Variants in DCLK1 observed in about 807,000 individuals in gnomAD.
DCLK1 encodes the protein doublecortin like kinase 1.
DCLK1 carries 16 observed loss-of-function variants against 86.2 expected under a neutral mutation model. That is an observed-to-expected ratio of 0.19 (90% CI 0.13 to 0.28). The LOEUF (loss-of-function observed/expected upper bound fraction) is 0.28. Ranked by LOEUF, DCLK1 falls within the 10% of genes least tolerant of loss-of-function variation. The pLI is 1.00. For synonymous variants in DCLK1, 369 were observed against 370.5 expected (o/e 1.00, Z 0.05); for missense variants, 590 against 940.2 (o/e 0.63, Z 4.87).
chr13:36,003,890 T>C (rs1331223026), intron 3 of DCLK1, among the ~76,000 whole-genome samples: 1 of 152,224 alleles, frequency 6.6e-6, no homozygotes, highest in Non-Finnish European at 1.5e-5. Flanking sequence ...AATGAGCACA[T>C]ATTGCTTTTG....
intron 4 of DCLK1, among the ~76,000 whole-genome samples, chr13:35,901,128 T>A (rs957052467): frequency 6.6e-6 from 1 of 152,176 alleles, no homozygotes; most frequent in Non-Finnish European, 1.5e-5. Context: ...ATGCTTCAGT[T>A]CTATATTATG....
At chr13:35,984,561 T>C (rs1205727587) in intron 3 of DCLK1, among the ~76,000 whole-genome samples, 1 of 152,248 alleles carries the variant, frequency 6.6e-6, no homozygotes, top group Non-Finnish European at 1.5e-5. Flanking sequence ...CCAAACTGCC[T>C]GAACCGTCTG....
chr13:36,098,122 C>T (rs1235877162), intron 3 of DCLK1, among the ~76,000 whole-genome samples: 6 of 152,168 alleles, frequency 3.9e-5, no homozygotes, highest in African/African-American at 1.4e-4. Flanking sequence ...TGCTATTCTA[C>T]ATTTATTGAT....
chr13:35,794,703 G>T (rs549016896), intron 15 of DCLK1, among the ~76,000 whole-genome samples: 1 of 152,322 alleles, frequency 6.6e-6, no homozygotes, highest in African/African-American at 2.4e-5. Flanking sequence ...TTCGTAACTT[G>T]GGTCTAACGG....
intron 3 of DCLK1, among the ~76,000 whole-genome samples, chr13:36,074,563 C>G (rs1016197640): frequency 1.5e-5 from 2 of 129,344 alleles, no homozygotes; most frequent in South Asian, 4.9e-4. Context: ...ATTGCAGAAA[C>G]AGATTATCCG....
chr13:35,959,135 T>C (rs976561123), intron 3 of DCLK1, among the ~76,000 whole-genome samples: 7 of 152,328 alleles, frequency 4.6e-5, no homozygotes, highest in African/African-American at 1.7e-4. Context: ...TATATGGTGA[T>C]GAAAACACCT....
At chr13:35,781,353 T>TGTC (rs1438183072) in intron 16 of DCLK1, among the ~76,000 whole-genome samples, 2 of 152,222 alleles carry the variant, frequency 1.3e-5, no homozygotes, top group Non-Finnish European at 2.9e-5. Context: ...GTCCATAGAC[T>TGTC]GAAAGGGGGT....
At chr13:35,981,447 GA>G (rs1212327949) in intron 3 of DCLK1, among the ~76,000 whole-genome samples, 1 of 152,070 alleles carries the variant, frequency 6.6e-6, no homozygotes, top group African/African-American at 2.4e-5. Context: ...TCCAGCACCA[GA>G]GGGGACATTT....
At chr13:35,834,731 C>T (rs1593642562) in intron 8 of DCLK1, among the ~76,000 whole-genome samples, 2 of 152,134 alleles carry the variant, frequency 1.3e-5, no homozygotes, top group Non-Finnish European at 2.9e-5. Flanking sequence ...GAGAGGAGAA[C>T]GGTGGCCTGG....
chr13:35,976,924 A>C (rs1000106642), intron 3 of DCLK1, among the ~76,000 whole-genome samples: 24 of 152,194 alleles, frequency 1.6e-4, no homozygotes, highest in Non-Finnish European at 3.1e-4. Flanking sequence ...CGGCATTAAC[A>C]ATCATCAGCA....
rs761166313 is a variant in DCLK1, at chr13:35,774,605, A to G, written c.2153T>C (p.Leu718Pro). 2.5e-6 allele frequency: 4 copies of G among 1,594,082 alleles called. No homozygotes were observed. The South Asian group carries it at 4.5e-5, about 18-fold the overall frequency. ...GGAGTAGTCTTCCGATTCCGAGTTGAGTTCGGGAGGAGCTGGCTGCGCCTT... is the reference window on the plus strand; with the variant it reads ...GGAGTAGTCTTCCGATTCCGAGTTGGGTTCGGGAGGAGCTGGCTGCGCCTT... ...RYKAQPAPPE[L>P]NSESEDYSPS... Residue 718 changes from leucine (L) to proline (P), a missense_variant, in exon 17 of 17, where the codon CTC (leucine) becomes CCC (proline). Leu to Pro is a moderately conservative substitution (Grantham distance 98). Coordinates refer to ENST00000360631, the MANE Select transcript of DCLK1 (RefSeq NM_001330071.2).
intron 4 of DCLK1, among the ~76,000 whole-genome samples, chr13:35,930,498 G>A (rs776758998): frequency 1.3e-5 from 2 of 152,186 alleles, no homozygotes; most frequent in Non-Finnish European, 2.9e-5. Context: ...CTACTCAAGA[G>A]ACTGAGGCAG....
chr13:36,031,025 A>C (rs1468657743), intron 3 of DCLK1, among the ~76,000 whole-genome samples: 1 of 152,164 alleles, frequency 6.6e-6, no homozygotes, highest in African/African-American at 2.4e-5. Context: ...TTTCTAAACC[A>C]TGTATAAGAT....
intron 3 of DCLK1, among the ~76,000 whole-genome samples, chr13:36,011,807 G>A (rs1312295055): frequency 6.7e-6 from 1 of 149,182 alleles, no homozygotes; most frequent in Admixed American, 6.7e-5. Context: ...TCGTTCATCT[G>A]TCTAATGTTG....
intron 3 of DCLK1, among the ~76,000 whole-genome samples, chr13:36,017,801 C>A (rs1881599073): frequency 6.6e-6 from 1 of 152,152 alleles, no homozygotes; most frequent in Non-Finnish European, 1.5e-5. Context: ...CATCCCACAA[C>A]TGCAACTCTC....
At chr13:35,803,681 T>C (rs1401088668) in intron 15 of DCLK1, among the ~76,000 whole-genome samples, 1 of 152,220 alleles carries the variant, frequency 6.6e-6, no homozygotes, top group East Asian at 1.9e-4. Flanking sequence ...GACTGTGCTT[T>C]CAATCATGCC....
chr13:35,913,674 C>T (rs1374494965), intron 4 of DCLK1, among the ~76,000 whole-genome samples: 8 of 152,002 alleles, frequency 5.3e-5, no homozygotes, highest in African/African-American at 1.9e-4. Context: ...TAGGCAGAAA[C>T]AGAATAAACC....
At chr13:36,060,865 A>C (rs773066560) in intron 3 of DCLK1, among the ~76,000 whole-genome samples, 1 of 152,120 alleles carries the variant, frequency 6.6e-6, no homozygotes, top group East Asian at 1.9e-4. Flanking sequence ...TCTGTGCCCC[A>C]ACAGCCCCCA....
At chr13:36,050,347 T>C (rs1391081071) in intron 3 of DCLK1, among the ~76,000 whole-genome samples, 4 of 152,082 alleles carry the variant, frequency 2.6e-5, no homozygotes, top group Admixed American at 1.3e-4. Context: ...TAAGCAATCA[T>C]TGAACAGAAT....
Sources: gnomAD v4.1 joint callset for allele counts (sites outside exome capture counted in the v4.1 genomes callset) on GRCh38, gnomAD v4.1.1 for gene constraint, MANE v1.5 for transcripts, NCBI Gene and HGNC (gene_info 2026-07-23, HGNC 2026-07-21) for gene names.